Variants in PCDH9 observed in about 807,000 individuals in gnomAD.
PCDH9 encodes the protein protocadherin-9.
PCDH9 carries 24 observed loss-of-function variants against 70.6 expected under a neutral mutation model. The ratio of observed to expected loss-of-function variants is 0.34; its 90% CI spans 0.25 to 0.48. The LOEUF (loss-of-function observed/expected upper bound fraction) is 0.48. PCDH9 is among the 20% of genes least tolerant of loss of function. The pLI is 0.99. For synonymous variants in PCDH9, 562 were observed against 558.5 expected (o/e 1.01, Z -0.09); for missense variants, 1,281 against 1,503.6 (o/e 0.85, Z 2.45).
intron 3 of PCDH9, among the ~76,000 whole-genome samples, chr13:66,723,800 A>C (rs941188927): frequency 2.0e-5 from 3 of 152,182 alleles, no homozygotes; most frequent in Non-Finnish European, 2.9e-5. Context: ...CAGAATACTA[A>C]TGAAAAGCTG....
intron 4 of PCDH9, among the ~76,000 whole-genome samples, chr13:66,478,138 G>C (rs559073460): frequency 6.6e-6 from 1 of 152,236 alleles, no homozygotes; most frequent in South Asian, 2.1e-4. Flanking sequence ...TTATGGTGAC[G>C]TGGGATCGGT....
chr13:66,990,988 T>G (rs980030645), intron 2 of PCDH9: 1 of 152,016 alleles, frequency 6.6e-6, no homozygotes, highest in African/African-American at 2.4e-5. Flanking sequence ...AATGTTAATT[T>G]TCTTTTCCAG....
intron 2 of PCDH9, among the ~76,000 whole-genome samples, chr13:66,947,579 G>A (rs2083109216): frequency 6.6e-6 from 1 of 152,090 alleles, no homozygotes; most frequent in South Asian, 2.1e-4. Flanking sequence ...GTGGAAGATG[G>A]GGGTGTGGGT....
intron 2 of PCDH9, among the ~76,000 whole-genome samples, chr13:67,138,857 A>G (rs2087301366): frequency 6.6e-6 from 1 of 152,226 alleles, no homozygotes; most frequent in South Asian, 2.1e-4. Flanking sequence ...TACATATGAG[A>G]GTAAGTAAAT....
intron 2 of PCDH9, among the ~76,000 whole-genome samples, chr13:66,952,886 T>A (rs569015357): frequency 6.6e-6 from 1 of 152,262 alleles, no homozygotes; most frequent in Admixed American, 6.5e-5. Context: ...GCCTCCTAAC[T>A]CTTGTGTGGG....
At chr13:66,692,989 A>T (rs1466106976) in intron 3 of PCDH9, among the ~76,000 whole-genome samples, 1 of 152,102 alleles carries the variant, frequency 6.6e-6, no homozygotes, top group Non-Finnish European at 1.5e-5. Flanking sequence ...GGTAACAACA[A>T]TATCTATTAT....
At chr13:66,955,372 G>A (rs890139227) in intron 2 of PCDH9, among the ~76,000 whole-genome samples, 15 of 152,144 alleles carry the variant, frequency 9.9e-5, no homozygotes, top group African/African-American at 3.6e-4. Context: ...AAAATGAGCT[G>A]AGACCTGTCC....
At chr13:67,207,788 C>T (rs577720705) in intron 2 of PCDH9, 5 of 152,224 alleles carry the variant, frequency 3.3e-5, no homozygotes, top group East Asian at 1.9e-4. Context: ...CATGTCAATG[C>T]GATCAATAAT....
intron 4 of PCDH9, among the ~76,000 whole-genome samples, chr13:66,387,092 T>C (rs2138258097): frequency 6.6e-6 from 1 of 152,236 alleles, no homozygotes; most frequent in South Asian, 2.1e-4. Context: ...TGAGAAATGG[T>C]CTTCATGAAC....
chr13:66,625,836 G>A (rs1406748482), intron 4 of PCDH9, among the ~76,000 whole-genome samples: 2 of 151,476 alleles, frequency 1.3e-5, no homozygotes, highest in African/African-American at 4.8e-5. Flanking sequence ...CATTTTTTTT[G>A]TATTTTTAGT....
chr13:66,644,431 C>T (rs1341047065), intron 3 of PCDH9, among the ~76,000 whole-genome samples: 1 of 151,526 alleles, frequency 6.6e-6, no homozygotes, highest in East Asian at 1.9e-4. Context: ...CTAAAACTGC[C>T]CTAAAAATAG....
chr13:67,108,408 T>G (rs2086590216), intron 2 of PCDH9, among the ~76,000 whole-genome samples: 1 of 152,226 alleles, frequency 6.6e-6, no homozygotes, highest in Non-Finnish European at 1.5e-5. Context: ...GTATTCATAC[T>G]AATGTAAAAT....
intron 2 of PCDH9, among the ~76,000 whole-genome samples, chr13:67,002,929 C>T (rs2084275090): frequency 6.6e-6 from 1 of 151,208 alleles, no homozygotes; most frequent in Admixed American, 6.6e-5. Flanking sequence ...CATTTTCAGC[C>T]ATCTATGTCT....
intron 2 of PCDH9, chr13:67,222,809 T>TTAA (rs1487096423): frequency 7.2e-5 from 11 of 152,294 alleles, no homozygotes; most frequent in African/African-American, 2.6e-4. Flanking sequence ...AAGTTTTTAC[T>TTAA]TTTTAGCTTA....
At chr13:66,600,111 T>C (rs1403437596) in intron 4 of PCDH9, among the ~76,000 whole-genome samples, 1 of 151,894 alleles carries the variant, frequency 6.6e-6, no homozygotes, top group Non-Finnish European at 1.5e-5. Flanking sequence ...ATGAATGGAA[T>C]ATGCATTCCG....
chr13:66,726,792 A>G (rs1281825908), intron 3 of PCDH9, among the ~76,000 whole-genome samples: 1 of 152,208 alleles, frequency 6.6e-6, no homozygotes, highest in Non-Finnish European at 1.5e-5. Flanking sequence ...GAACTAAACT[A>G]ACTTGCATAG....
intron 4 of PCDH9, among the ~76,000 whole-genome samples, chr13:66,374,485 A>G (rs1259467022): frequency 6.6e-6 from 1 of 152,038 alleles, no homozygotes; most frequent in Admixed American, 6.6e-5. Flanking sequence ...AGCAATTTTT[A>G]TCACTGAGCT....
chr13:67,202,154 G>C (rs960754814), intron 2 of PCDH9: 2 of 151,768 alleles, frequency 1.3e-5, no homozygotes, highest in African/African-American at 4.8e-5. Context: ...AACCTATCTT[G>C]GTGTGGTGAG....
intron 4 of PCDH9, among the ~76,000 whole-genome samples, chr13:66,413,718 A>T (rs1957413343): frequency 6.6e-6 from 1 of 151,904 alleles, no homozygotes; most frequent in African/African-American, 2.4e-5. Context: ...AAAATAAAAT[A>T]TTAAAAAAAG....
Sources: gnomAD v4.1 joint callset for allele counts (sites outside exome capture counted in the v4.1 genomes callset) on GRCh38, gnomAD v4.1.1 for gene constraint, MANE v1.5 for transcripts, NCBI Gene and HGNC (gene_info 2026-07-23, HGNC 2026-07-21) for gene names.